Variants in DLG2 observed in about 807,000 individuals in gnomAD.
DLG2 encodes discs large MAGUK scaffold protein 2.
Under a neutral mutation model 132.5 loss-of-function variants are expected in DLG2, and 45 were observed. The ratio of observed to expected loss-of-function variants is 0.34; its 90% CI spans 0.27 to 0.44. The LOEUF is 0.44. Ranked by LOEUF, DLG2 falls within the 20% of genes least tolerant of loss-of-function variation. DLG2 has a pLI of 1.00. For synonymous variants in DLG2, 424 were observed against 419.6 expected (o/e 1.01, Z -0.13); for missense variants, 1,045 against 1,196.9 (o/e 0.87, Z 1.87).
intron 18 of DLG2, chr11:83,682,158 C>T (rs970805595): frequency 1.0e-5 from 10 of 985,228 alleles, no homozygotes; most frequent in Non-Finnish European, 1.2e-5. Context: ...AGGAACTTAC[C>T]GAGCACAAAA....
At chr11:83,798,869 C>T (rs1417700857) in intron 17 of DLG2, among the ~76,000 whole-genome samples, 1 of 152,086 alleles carries the variant, frequency 6.6e-6, no homozygotes. Context: ...TGAGATGCAA[C>T]GAAGTGAAAA....
At chr11:83,717,208 C>T (rs1355712022) in intron 18 of DLG2, among the ~76,000 whole-genome samples, 2 of 152,168 alleles carry the variant, frequency 1.3e-5, no homozygotes, top group Non-Finnish European at 2.9e-5. Context: ...GATTTGCACA[C>T]ACTGAGCTCC....
At chr11:84,053,325 G>A (rs1040166861) in intron 11 of DLG2, among the ~76,000 whole-genome samples, 1 of 151,902 alleles carries the variant, frequency 6.6e-6, no homozygotes, top group Non-Finnish European at 1.5e-5. Context: ...TGGATGCTGG[G>A]CTTAATACCT....
intron 3 of DLG2, among the ~76,000 whole-genome samples, chr11:85,293,267 A>G (rs994646176): frequency 2.6e-5 from 4 of 152,104 alleles, no homozygotes; most frequent in Non-Finnish European, 5.9e-5. Context: ...CTCCCCACCA[A>G]TTAGAACAAA....
chr11:84,864,500 A>G (rs973544442), intron 6 of DLG2, among the ~76,000 whole-genome samples: 1 of 151,998 alleles, frequency 6.6e-6, no homozygotes. Flanking sequence ...TCTTTTCTTT[A>G]CTATCTCCTT....
At chr11:83,511,727 T>C (rs1392029644) in intron 21 of DLG2, among the ~76,000 whole-genome samples, 1 of 56,438 alleles carries the variant, frequency 1.8e-5, no homozygotes, top group Non-Finnish European at 4.2e-5. Flanking sequence ...AGAAGCAAAC[T>C]TTTTTTTTTT....
intron 18 of DLG2, among the ~76,000 whole-genome samples, chr11:83,743,429 A>ATTTTTT (rs35572754): frequency 1.9e-5 from 2 of 103,834 alleles, no homozygotes; most frequent in African/African-American, 5.8e-5. Flanking sequence ...TGGGCAGGCC[A>ATTTTTT]TTTTTTTTTT....
chr11:84,875,528 C>G (rs2086207130), intron 6 of DLG2, among the ~76,000 whole-genome samples: 1 of 151,294 alleles, frequency 6.6e-6, no homozygotes, highest in African/African-American at 2.4e-5. Context: ...ACTGATGATT[C>G]TTCATCAACT....
chr11:85,188,653 T>TA (rs2080304942), intron 4 of DLG2, among the ~76,000 whole-genome samples: 1 of 152,094 alleles, frequency 6.6e-6, no homozygotes, highest in Admixed American at 6.5e-5. Context: ...AAAATCTCAA[T>TA]AAAAATGAAG....
intron 16 of DLG2, among the ~76,000 whole-genome samples, chr11:83,854,474 A>C (rs2060214943): frequency 6.6e-6 from 1 of 152,180 alleles, no homozygotes; most frequent in African/African-American, 2.4e-5. Flanking sequence ...AAGCTATAGT[A>C]ATCAAGACAG....
At chr11:85,369,351 A>G (rs1245298272) in intron 3 of DLG2, among the ~76,000 whole-genome samples, 1 of 151,866 alleles carries the variant, frequency 6.6e-6, no homozygotes, top group Non-Finnish European at 1.5e-5. Flanking sequence ...GACAGTAATT[A>G]AGCTTTTCTC....
chr11:84,644,185 G>A (rs745380303), intron 6 of DLG2, among the ~76,000 whole-genome samples: 1 of 152,010 alleles, frequency 6.6e-6, no homozygotes, highest in Non-Finnish European at 1.5e-5. Flanking sequence ...CTTTTCAAAG[G>A]TCCATCTATG....
At chr11:84,420,971 A>G (rs1057040308) in intron 7 of DLG2, among the ~76,000 whole-genome samples, 1 of 152,002 alleles carries the variant, frequency 6.6e-6, no homozygotes, top group African/African-American at 2.4e-5. Context: ...CCCGGCCCCA[A>G]TGCTTGTTTT....
At chr11:85,522,633 G>A (rs1233050972) in intron 3 of DLG2, among the ~76,000 whole-genome samples, 2 of 152,196 alleles carry the variant, frequency 1.3e-5, no homozygotes, top group East Asian at 3.9e-4. Context: ...GGCCATGGGA[G>A]CCCACCGTTT....
At chr11:85,033,719 C>T (rs2509055) in intron 6 of DLG2, among the ~76,000 whole-genome samples, 57,945 of 151,942 alleles carry the variant, frequency 0.38, 11,189 homozygotes, top group South Asian at 0.56. Flanking sequence ...ATATCTAATA[C>T]ACAAATAGAG....
At chr11:84,775,923 A>G (rs2070388613) in intron 6 of DLG2, among the ~76,000 whole-genome samples, 1 of 152,218 alleles carries the variant, frequency 6.6e-6, no homozygotes, top group Non-Finnish European at 1.5e-5. Flanking sequence ...GGAATTAGGA[A>G]AGGAGTGAGT....
intron 19 of DLG2, among the ~76,000 whole-genome samples, chr11:83,615,935 AC>A (rs1290965357): frequency 6.6e-6 from 1 of 152,162 alleles, no homozygotes; most frequent in African/African-American, 2.4e-5. Context: ...GATGATAATT[AC>A]GTTTTTTTAA....
intron 19 of DLG2, among the ~76,000 whole-genome samples, chr11:83,576,526 C>T (rs1266158259): frequency 6.6e-6 from 1 of 151,636 alleles, no homozygotes; most frequent in Non-Finnish European, 1.5e-5. Flanking sequence ...TTATTTATGC[C>T]AGGAAAAAGA....
At chr11:85,140,348 T>G (rs940159739) in intron 5 of DLG2, among the ~76,000 whole-genome samples, 2 of 151,944 alleles carry the variant, frequency 1.3e-5, no homozygotes, top group Non-Finnish European at 2.9e-5. Context: ...TATTTAGAAA[T>G]AGTAAACAAT....
Sources: gnomAD v4.1 joint callset for allele counts (sites outside exome capture counted in the v4.1 genomes callset) on GRCh38, gnomAD v4.1.1 for gene constraint, MANE v1.5 for transcripts, NCBI Gene and HGNC (gene_info 2026-07-23, HGNC 2026-07-21) for gene names.